XK: variants seen among roughly 807,000 people sequenced by gnomAD.
The protein encoded by XK is X-linked Kx blood group antigen, Kell and VPS13A binding protein.
A neutral mutation model predicts 14.0 loss-of-function variants in XK; 2 were observed. The observed-to-expected ratio is 0.14, with a 90% CI of 0.06 to 0.45. The LOEUF (loss-of-function observed/expected upper bound fraction) is 0.45, where lower values mean the gene tolerates loss of function less well. Ranked by LOEUF, XK falls within the 20% of genes least tolerant of loss-of-function variation. XK has a pLI of 0.98. For synonymous variants in XK, 149 were observed against 147.5 expected, an observed-to-expected ratio of 1.01 and a Z score of -0.08; for missense variants, 235 against 341.5, an observed-to-expected ratio of 0.69 and a Z score of 2.46.
In XK at chrX:37,727,350, A is replaced by C. The variant is rs782036226; in HGVS notation, c.509-286A>C. Among the ~76,000 whole-genome samples the C allele has an allele frequency of 5.4e-5, 6 of 111,627 alleles. No homozygotes were observed. The East Asian group carries it at 1.4e-3, about 26-fold the overall frequency. ...CTCTGATGGATGGGGAAGCCATAGT[A>C]CTTGTATTCCAGCTCCTAATCTGGG... On this transcript the variant is annotated intron_variant, in intron 2 of 2. Transcript: ENST00000378616.
intron 2 of XK, among the ~76,000 whole-genome samples, chrX:37,715,017 A>AGT (rs1239369270): frequency 1.1e-4 from 12 of 109,154 alleles, no homozygotes; most frequent in African/African-American, 3.4e-4. Context: ...ATAGGTGTAT[A>AGT]GTGTGTGTAT....
chrX:37,731,259 G>A lies in XK; in HGVS notation c.*2797G>A, dbSNP rs990927527. The A allele has an allele frequency of 4.5e-5, 5 of 111,993 alleles. No individual in the cohort carries two copies. The highest frequency in any genetic ancestry group is 2.8e-4 in the Admixed American group (3 of 10,582). The allele number at this position is 111,993 out of a possible 1,213,427, so 9.2% of individuals were successfully genotyped here. A position where few individuals can be genotyped will look rare whatever the true frequency, so the allele number is the denominator to read the frequency against. ...ATTAATTACATCCCATAACTTGTCA[G>A]GATAGTTGCTCCAACTGAATTGCTA... On this transcript the variant is annotated 3_prime_UTR_variant, in exon 3 of 3. Coordinates refer to ENST00000378616, the MANE Select transcript of XK (RefSeq NM_021083.4).
intron 2 of XK, among the ~76,000 whole-genome samples, chrX:37,722,487 C>G (rs1465589246): frequency 8.9e-6 from 1 of 111,752 alleles, no homozygotes; most frequent in African/African-American, 3.2e-5. Flanking sequence ...TCTTTGTTCA[C>G]TGAGTTGAAA....
chrX:37,726,893 T>C (rs183752500), intron 2 of XK, among the ~76,000 whole-genome samples: 44 of 112,051 alleles, frequency 3.9e-4, no homozygotes, highest in African/African-American at 1.4e-3. Context: ...GTTTAAAAGA[T>C]CCTGCAGATA....
At chrX:37,724,284 A>C (rs1330957588) in intron 2 of XK, among the ~76,000 whole-genome samples, 1 of 111,667 alleles carries the variant, frequency 9.0e-6, no homozygotes, top group Non-Finnish European at 1.9e-5. Flanking sequence ...AATTTTAAGA[A>C]TCAAGCATGG....
chrX:37,690,523 T>C (rs1927182037), intron 1 of XK, among the ~76,000 whole-genome samples: 1 of 112,343 alleles, frequency 8.9e-6, no homozygotes, highest in Middle Eastern at 4.2e-3. Flanking sequence ...GGATATATGA[T>C]GCTTGAAAAT....
At chrX:37,715,428 A>G (rs2046499185) in intron 2 of XK, among the ~76,000 whole-genome samples, 1 of 111,897 alleles carries the variant, frequency 8.9e-6, no homozygotes, top group African/African-American at 3.2e-5. Flanking sequence ...TTCAGTCAAC[A>G]TTATAGTTTT....
At chrX:37,722,218 A>C (rs1487336384) in intron 2 of XK, among the ~76,000 whole-genome samples, 2 of 111,928 alleles carry the variant, frequency 1.8e-5, no homozygotes, top group Admixed American at 1.9e-4. Flanking sequence ...ACATACAAAA[A>C]GATTGAGAGG....
rs1340210235 is a variant in XK, at chrX:37,731,379, C to T, written c.*2917C>T. On this transcript the variant is annotated 3_prime_UTR_variant, in exon 3 of 3. Coordinates refer to ENST00000378616, the MANE Select transcript of XK (RefSeq NM_021083.4). Reference sequence around the variant, plus strand: ...ACTTCCTCTCATTGCTGGAGACAGCCCAGTGTAGAGATTGGCACTTCCCTG... The same window carrying T: ...ACTTCCTCTCATTGCTGGAGACAGCTCAGTGTAGAGATTGGCACTTCCCTG... 4.5e-5 allele frequency: 5 copies of T among 111,491 alleles called. No individual in the cohort carries two copies. The highest frequency in any genetic ancestry group is 9.5e-5 in the Admixed American group (1 of 10,516). The allele number at this position is 111,491 out of a possible 1,213,427, so 9.2% of individuals were successfully genotyped here. A position where few individuals can be genotyped will look rare whatever the true frequency, so the allele number is the denominator to read the frequency against.
At chrX:37,706,632 ATTTTAT>A (rs1396933413) in intron 2 of XK, among the ~76,000 whole-genome samples, 1 of 109,395 alleles carries the variant, frequency 9.1e-6, no homozygotes, top group Admixed American at 9.7e-5. Context: ...TAATTAATTA[ATTTTAT>A]TTTATTTTAT....
intron 2 of XK, among the ~76,000 whole-genome samples, chrX:37,706,815 A>T (rs1927535730): frequency 9.2e-6 from 1 of 108,634 alleles, no homozygotes; most frequent in Non-Finnish European, 1.9e-5. Context: ...GGTACTTGAG[A>T]TTAGGGAGTG....
chrX:37,706,631 AATTTT>A (rs1244702675), intron 2 of XK, among the ~76,000 whole-genome samples: 3 of 109,416 alleles, frequency 2.7e-5, no homozygotes, highest in East Asian at 2.8e-4. Context: ...TTAATTAATT[AATTTT>A]ATTTTATTTT....
intron 2 of XK, among the ~76,000 whole-genome samples, chrX:37,710,656 A>T (rs1313085543): frequency 1.2e-4 from 13 of 111,644 alleles, no homozygotes; most frequent in Non-Finnish European, 1.3e-4. Flanking sequence ...ATAAATAAAT[A>T]AATTAAATAA....
chrX:37,689,558 GCC>G (rs1449260756), intron 1 of XK, among the ~76,000 whole-genome samples: 1 of 111,803 alleles, frequency 8.9e-6, no homozygotes, highest in South Asian at 3.7e-4. Context: ...CAGCACGATG[GCC>G]CAGTTAAACT....
At chrX:37,715,924 C>A (rs985470782) in intron 2 of XK, among the ~76,000 whole-genome samples, 4 of 111,037 alleles carry the variant, frequency 3.6e-5, no homozygotes, top group Middle Eastern at 4.2e-3. Context: ...CAAGAGTTTT[C>A]ACTTAGGTTT....
chrX:37,720,921 A>G (rs1322312586), intron 2 of XK, among the ~76,000 whole-genome samples: 1 of 111,734 alleles, frequency 8.9e-6, no homozygotes, highest in African/African-American at 3.2e-5. Flanking sequence ...CCATTGACAG[A>G]CACATAGTTT....
At chrX:37,722,109 C>T (rs894717962) in intron 2 of XK, among the ~76,000 whole-genome samples, 4 of 111,563 alleles carry the variant, frequency 3.6e-5, no homozygotes, top group Middle Eastern at 4.6e-3. Context: ...TTAAAATTGA[C>T]TGGTGATGGT....
chrX:37,709,533 G>A (rs1294780260), intron 2 of XK, among the ~76,000 whole-genome samples: 2 of 112,082 alleles, frequency 1.8e-5, no homozygotes, highest in Admixed American at 9.5e-5. Context: ...TGATAAATCA[G>A]AGATGTTTAC....
At chrX:37,712,599 C>A (rs1556446944) in intron 2 of XK, among the ~76,000 whole-genome samples, 1 of 111,392 alleles carries the variant, frequency 9.0e-6, no homozygotes, top group Admixed American at 9.5e-5. Context: ...TTTTTTCTTT[C>A]CATTTATCTG....
Sources: allele counts gnomAD v4.1 joint callset (sites outside exome capture counted in the v4.1 genomes callset), GRCh38; gene constraint gnomAD v4.1.1; transcripts MANE v1.5; gene names NCBI Gene and HGNC (gene_info 2026-07-23, HGNC 2026-07-21).